Variants in MARCHF1 observed in about 807,000 individuals in gnomAD.
MARCHF1 encodes the protein membrane associated ring-CH-type finger 1.
A neutral mutation model predicts 54.2 loss-of-function variants in MARCHF1; 40 were observed. The ratio of observed to expected loss-of-function variants is 0.74; its 90% CI spans 0.57 to 0.96. The LOEUF (loss-of-function observed/expected upper bound fraction) is 0.96, where lower values mean the gene tolerates loss of function less well. MARCHF1 is among the 40% of genes least tolerant of loss of function. The pLI is 0.00. For synonymous variants in MARCHF1, 236 were observed against 236.3 expected (o/e 1.00, Z 0.01); for missense variants, 586 against 656.5 (o/e 0.89, Z 1.17).
intron 4 of MARCHF1, among the ~76,000 whole-genome samples, chr4:163,741,245 C>G (rs1213611256): frequency 3.9e-5 from 6 of 152,014 alleles, no homozygotes; most frequent in Non-Finnish European, 8.8e-5. Context: ...TTTACTTGTG[C>G]TTTTATGGTT....
In MARCHF1 at chr4:163,627,758, A is replaced by T. The variant is rs181348872; in HGVS notation, c.163-14365T>A. Among the ~76,000 whole-genome samples the T allele has an allele frequency of 1.2e-4, 19 of 152,270 alleles. No homozygotes were observed. In the East Asian group the frequency reaches 3.3e-3, roughly 26 times the overall value. ...ATCTAACTCAGCAGTGGGAGAATAG[A>T]GTGTCTAGAAATAGATCCACACAAT... On this transcript the variant is annotated intron_variant, in intron 5 of 9. Coordinates refer to ENST00000514618, the MANE Select transcript of MARCHF1 (RefSeq NM_001394959.1).
intron 4 of MARCHF1, among the ~76,000 whole-genome samples, chr4:163,762,443 G>A (rs1479809585): frequency 6.6e-6 from 1 of 151,900 alleles, no homozygotes; most frequent in Non-Finnish European, 1.5e-5. Context: ...TTTTTTAGTT[G>A]GATATTTAAG....
At chr4:164,251,040 A>G (rs992637925) in intron 1 of MARCHF1, among the ~76,000 whole-genome samples, 5 of 152,044 alleles carry the variant, frequency 3.3e-5, no homozygotes, top group African/African-American at 7.3e-5. Flanking sequence ...ATCAAGAAAC[A>G]TATTTCTATG....
intron 1 of MARCHF1, among the ~76,000 whole-genome samples, chr4:164,243,888 A>C (rs1339279082): frequency 2.0e-5 from 3 of 151,960 alleles, no homozygotes; most frequent in Non-Finnish European, 4.4e-5. Context: ...TAAAGGGATC[A>C]ATTCAACAAG....
intron 1 of MARCHF1, among the ~76,000 whole-genome samples, chr4:164,279,580 T>C (rs988827906): frequency 6.6e-6 from 1 of 151,730 alleles, no homozygotes; most frequent in African/African-American, 2.4e-5. Flanking sequence ...GTGATGGATA[T>C]GCTAATTATC....
chr4:164,082,432 T>C (rs1051085259), intron 2 of MARCHF1, among the ~76,000 whole-genome samples: 2 of 152,168 alleles, frequency 1.3e-5, no homozygotes, highest in Non-Finnish European at 2.9e-5. Context: ...ACAGTAATTC[T>C]TGTCCCCACC....
At chr4:164,088,004 TAA>T (rs769870270) in intron 2 of MARCHF1, among the ~76,000 whole-genome samples, 17 of 152,070 alleles carry the variant, frequency 1.1e-4, no homozygotes, top group Non-Finnish European at 1.9e-4. Flanking sequence ...AGATATGACA[TAA>T]AAATGGTCTT....
At chr4:164,180,548 G>C (rs1324663664) in intron 1 of MARCHF1, among the ~76,000 whole-genome samples, 1 of 152,088 alleles carries the variant, frequency 6.6e-6, no homozygotes, top group East Asian at 1.9e-4. Flanking sequence ...TAAAATACAA[G>C]AATTGGCATG....
chr4:163,872,222 T>C (rs1401659968), intron 3 of MARCHF1, among the ~76,000 whole-genome samples: 1 of 152,242 alleles, frequency 6.6e-6, no homozygotes, highest in African/African-American at 2.4e-5. Context: ...TCTGGGGCTA[T>C]CTGAGCATGT....
intron 1 of MARCHF1, among the ~76,000 whole-genome samples, chr4:164,160,454 G>A (rs748120703): frequency 9.2e-5 from 14 of 152,230 alleles, no homozygotes; most frequent in African/African-American, 1.2e-4. Context: ...GACCACAGTC[G>A]CATATGTGGT....
rs112057876 is a variant in MARCHF1, at chr4:163,619,238, C to T, written c.163-5845G>A. 3.9e-4 allele frequency among the ~76,000 whole-genome samples: 60 copies of T among 152,206 alleles called. 1 individual carries two copies. Among genetic ancestry groups the T allele is most frequent in the African/African-American group, 1.4e-3 (58 of 41,520 alleles). On this transcript the variant is annotated intron_variant, in intron 5 of 9. Coordinates refer to ENST00000514618, the MANE Select transcript of MARCHF1 (RefSeq NM_001394959.1). The stretch of plus-strand genomic sequence containing the variant: ...AAATAGAACTTATTAAATCTGGGTA[C>T]TAGAAAGGTCATTTTGGCAGCTGAG...
rs184825408 is a variant in MARCHF1 at position 163,581,206 on chromosome 4, T to A, written c.1191+4543A>T. On this transcript the variant is annotated intron_variant, in intron 8 of 9. Transcript: ENST00000514618. ...TTTAGAATCAGGGAGCTTTGAGTTG[T>A]GTGATATTGAATGATTTTGATATGA... Among the ~76,000 whole-genome samples, 4 of 152,332 alleles carry A rather than the reference T, an allele frequency of 2.6e-5. No homozygotes were observed. In the East Asian group the frequency reaches 7.7e-4, roughly 29 times the overall value.
chr4:164,209,075 C>G (rs1731693997), intron 1 of MARCHF1, among the ~76,000 whole-genome samples: 1 of 150,888 alleles, frequency 6.6e-6, no homozygotes, highest in Non-Finnish European at 1.5e-5. Context: ...ATAAAAGTTG[C>G]CTTGTATTCT....
chr4:164,369,857 AT>A (rs899110442), intron 1 of MARCHF1, among the ~76,000 whole-genome samples: 9 of 152,240 alleles, frequency 5.9e-5, no homozygotes, highest in African/African-American at 2.2e-4. Context: ...AACTATGAGA[AT>A]AAATCAAATA....
At chr4:163,908,780 C>T (rs1425993462) in intron 3 of MARCHF1, among the ~76,000 whole-genome samples, 3 of 152,046 alleles carry the variant, frequency 2.0e-5, no homozygotes, top group African/African-American at 7.2e-5. Flanking sequence ...CTCCCCACCA[C>T]GACACAAAAT....
intron 1 of MARCHF1, among the ~76,000 whole-genome samples, chr4:164,267,098 G>A (rs1264122912): frequency 2.0e-5 from 3 of 152,070 alleles, no homozygotes; most frequent in East Asian, 3.9e-4. Context: ...TGATAAGAGA[G>A]CCAGAGTACA....
At chr4:163,888,018 A>G (rs994874728) in intron 3 of MARCHF1, among the ~76,000 whole-genome samples, 1 of 152,162 alleles carries the variant, frequency 6.6e-6, no homozygotes, top group Admixed American at 6.6e-5. Context: ...TTCTTGGCTG[A>G]TGTTACAAAA....
At chr4:163,613,499 G>T (rs1741419473) in intron 5 of MARCHF1, 106 bp from the exon 6 acceptor site, 3 of 1,610,852 alleles carry the variant, frequency 1.9e-6, no homozygotes, top group South Asian at 1.1e-5. Flanking sequence ...CGTGGCTGCT[G>T]GTCATGTTGC....
chr4:163,881,587 T>C (rs2111244960), intron 3 of MARCHF1, among the ~76,000 whole-genome samples: 1 of 152,276 alleles, frequency 6.6e-6, no homozygotes, highest in South Asian at 2.1e-4. Context: ...CTTGAGGTAG[T>C]TCATCTACAA....
Sources: allele counts gnomAD v4.1 joint callset (sites outside exome capture counted in the v4.1 genomes callset), GRCh38; gene constraint gnomAD v4.1.1; transcripts MANE v1.5; gene names NCBI Gene and HGNC (gene_info 2026-07-23, HGNC 2026-07-21).